The following TMEM178A variants were observed in gnomAD, a reference collection of about 807,000 sequenced individuals.
TMEM178A encodes transmembrane protein 178A.
In TMEM178A, 12 loss-of-function variants were observed where a neutral mutation model predicts 29.1. The ratio of observed to expected loss-of-function variants is 0.41; its 90% CI spans 0.26 to 0.67. The LOEUF is 0.67. TMEM178A is among the 30% of genes least tolerant of loss of function. TMEM178A has a pLI of 0.29. For synonymous variants in TMEM178A, 210 were observed against 187.2 expected (o/e 1.12, Z -0.99); for missense variants, 366 against 419.1 (o/e 0.87, Z 1.11).
intron 3 of TMEM178A, among the ~76,000 whole-genome samples, chr2:39,708,304 G>A (rs1672130543): frequency 6.6e-6 from 1 of 151,990 alleles, no homozygotes; most frequent in African/African-American, 2.4e-5. Context: ...GGGGAAGTGG[G>A]CAGTGGCCAA....
At chr2:39,705,239 G>C (rs1671972752) in intron 2 of TMEM178A, among the ~76,000 whole-genome samples, 2 of 152,208 alleles carry the variant, frequency 1.3e-5, no homozygotes, top group Non-Finnish European at 2.9e-5. Flanking sequence ...AGTTCTCATG[G>C]AAAGATGCTT....
At chr2:39,670,849 T>C (rs140864904) in intron 1 of TMEM178A, among the ~76,000 whole-genome samples, 2,988 of 152,350 alleles carry the variant, frequency 0.02, 80 homozygotes, top group African/African-American at 0.053. Context: ...AACTTTTTAA[T>C]GAAACATTTT....
chr2:39,731,658 C>T, the TMEM178A span, among the ~76,000 whole-genome samples: 2 of 152,180 alleles, frequency 1.3e-5, no homozygotes, highest in African/African-American at 2.4e-5. Context: ...CAAACCATCA[C>T]GTTGGGAATC....
At chr2:39,703,159 A>G (rs1278693633) in intron 1 of TMEM178A, among the ~76,000 whole-genome samples, 1 of 152,246 alleles carries the variant, frequency 6.6e-6, no homozygotes, top group Non-Finnish European at 1.5e-5. Context: ...TTAAAGGACT[A>G]ACATTCGCTC....
the TMEM178A span, among the ~76,000 whole-genome samples, chr2:39,727,700 A>T: frequency 6.6e-6 from 1 of 151,958 alleles, no homozygotes; most frequent in African/African-American, 2.4e-5. Context: ...AATTCTCCTA[A>T]TGCTATCCCT....
chr2:39,716,762 T>C (rs1364454412), intron 3 of TMEM178A, among the ~76,000 whole-genome samples: 1 of 152,144 alleles, frequency 6.6e-6, no homozygotes, highest in Non-Finnish European at 1.5e-5. Flanking sequence ...TCTGAATAAT[T>C]CAGGTTATCA....
chr2:39,714,491 C>A (rs1409580675), intron 3 of TMEM178A, among the ~76,000 whole-genome samples: 1 of 152,148 alleles, frequency 6.6e-6, no homozygotes, highest in Non-Finnish European at 1.5e-5. Context: ...GCCATGAAAT[C>A]CCATACTTTT....
Position 39,713,279 on chromosome 2 carries a change from T to C in TMEM178A, c.653-3731T>C, listed in dbSNP as rs146766264. Among the ~76,000 whole-genome samples, 1,239 of 152,324 alleles carry C rather than the reference T, an allele frequency of 8.1e-3. 14 individuals are homozygous for C. Among genetic ancestry groups the C allele is most frequent in the African/African-American group, 0.027 (1,139 of 41,564 alleles). On this transcript the variant is annotated intron_variant, in intron 3 of 3. Coordinates refer to ENST00000281961, the MANE Select transcript of TMEM178A (RefSeq NM_152390.3). ...TGATAAATAATTGCTGAATAACTTATTGAGTAACACTTAGAATAGCACAAT... is the reference window on the plus strand; with the variant it reads ...TGATAAATAATTGCTGAATAACTTACTGAGTAACACTTAGAATAGCACAAT...
downstream of TMEM178A, among the ~76,000 whole-genome samples, chr2:39,722,043 A>G (rs906887511): frequency 1.4e-5 from 2 of 145,974 alleles, no homozygotes; most frequent in Admixed American, 6.8e-5. Flanking sequence ...TGCTGGATGG[A>G]GAATGGATTT....
At chr2:39,665,794 G>A (rs557069456), upstream of TMEM178A, 967 of 488,554 alleles carry the variant, frequency 2.0e-3, 12 homozygotes, top group African/African-American at 0.018. Context: ...GGTGGGAGGC[G>A]AGATCAGGCC....
chr2:39,683,305 A>G (rs2148069337), intron 1 of TMEM178A, among the ~76,000 whole-genome samples: 1 of 152,318 alleles, frequency 6.6e-6, no homozygotes, highest in African/African-American at 2.4e-5. Context: ...CAAAGCCGAG[A>G]ATGTTATTTT....
rs144858810 is a variant in TMEM178A, at chr2:39,704,062, G to T, written c.401-19G>T. On this transcript the variant is annotated intron_variant, in intron 1 of 3. Transcript: ENST00000281961. ...ACAAATAAGCAGACTCGTAAATCGCGTTTCTTATTTCCTTCAAGGTATTGC... is the reference window on the plus strand; with the variant it reads ...ACAAATAAGCAGACTCGTAAATCGCTTTTCTTATTTCCTTCAAGGTATTGC... The T allele has an allele frequency of 1.1e-4, 181 of 1,607,938 alleles. 1 individual carries two copies. In the East Asian group the frequency reaches 4.0e-3, roughly 35 times the overall value.
chr2:39,734,019 C>T, the TMEM178A span, among the ~76,000 whole-genome samples: 1 of 152,148 alleles, frequency 6.6e-6, no homozygotes, highest in Non-Finnish European at 1.5e-5. Context: ...TGCTACTTCT[C>T]CCAACAAATC....
the TMEM178A span, among the ~76,000 whole-genome samples, chr2:39,726,001 A>C: frequency 6.6e-6 from 1 of 152,216 alleles, no homozygotes; most frequent in African/African-American, 2.4e-5. Flanking sequence ...AGACTGATTT[A>C]AGTGCAGGGA....
the TMEM178A span, among the ~76,000 whole-genome samples, chr2:39,724,404 T>C: frequency 2.3e-4 from 35 of 152,146 alleles, no homozygotes; most frequent in Non-Finnish European, 4.9e-4. Context: ...ATGCTGGTAA[T>C]AACCACACAT....
At chr2:39,676,197 C>A (rs919479304) in intron 1 of TMEM178A, among the ~76,000 whole-genome samples, 1 of 152,126 alleles carries the variant, frequency 6.6e-6, no homozygotes, top group African/African-American at 2.4e-5. Context: ...CTTGGGTGGG[C>A]CTTTAAGTGC....
At chr2:39,735,106 C>G in the TMEM178A span, among the ~76,000 whole-genome samples, 19 of 152,188 alleles carry the variant, frequency 1.2e-4, no homozygotes, top group African/African-American at 4.6e-4. Flanking sequence ...AAAACTCTTT[C>G]AGTGGTTTTG....
At chr2:39,669,351 CAA>C (rs776650629) in intron 1 of TMEM178A, among the ~76,000 whole-genome samples, 3 of 152,080 alleles carry the variant, frequency 2.0e-5, no homozygotes, top group Non-Finnish European at 4.4e-5. Context: ...GGAGGCAAGA[CAA>C]GAGAGATATA....
upstream of TMEM178A, chr2:39,665,612 T>G (rs1572636414): frequency 5.3e-6 from 1 of 187,942 alleles, no homozygotes; most frequent in Non-Finnish European, 1.0e-5. Context: ...GGGGGGTCGC[T>G]GGAGAGGAGG....
Sources: gnomAD v4.1 joint callset for allele counts (sites outside exome capture counted in the v4.1 genomes callset) on GRCh38, gnomAD v4.1.1 for gene constraint, MANE v1.5 for transcripts, NCBI Gene and HGNC (gene_info 2026-07-23, HGNC 2026-07-21) for gene names.